The following STK39 variants were observed in gnomAD, a reference collection of about 807,000 sequenced individuals.
STK39 encodes serine/threonine kinase 39.
In STK39, 20 loss-of-function variants were observed where a neutral mutation model predicts 77.8. That is an observed-to-expected ratio of 0.26 (90% CI 0.18 to 0.37). STK39 has a LOEUF of 0.37. Ranked by LOEUF, STK39 falls within the 10% of genes least tolerant of loss-of-function variation. STK39 has a pLI of 1.00. For synonymous variants in STK39, 246 were observed against 234.1 expected (o/e 1.05, Z -0.47); for missense variants, 479 against 656.5 (o/e 0.73, Z 2.95).
chr2:168,228,471 T>C (rs1036722743), intron 1 of STK39, among the ~76,000 whole-genome samples: 1 of 152,202 alleles, frequency 6.6e-6, no homozygotes, highest in Non-Finnish European at 1.5e-5. Flanking sequence ...AATGACCTTA[T>C]ATTATTGTTT....
At chr2:168,226,498 TA>T (rs1459094797) in intron 1 of STK39, among the ~76,000 whole-genome samples, 1 of 152,220 alleles carries the variant, frequency 6.6e-6, no homozygotes, top group African/African-American at 2.4e-5. Flanking sequence ...AATCTTTCCA[TA>T]AATTTGCTCA....
intron 1 of STK39, among the ~76,000 whole-genome samples, chr2:168,230,261 T>C (rs1446458039): frequency 6.6e-6 from 1 of 152,182 alleles, no homozygotes; most frequent in Non-Finnish European, 1.5e-5. Context: ...GGCCTTGTGA[T>C]ATGCTTTAAC....
intron 1 of STK39, among the ~76,000 whole-genome samples, chr2:168,244,376 T>C (rs565329457): frequency 2.0e-5 from 3 of 152,370 alleles, no homozygotes; most frequent in East Asian, 3.9e-4. Flanking sequence ...AAGTCCTCCG[T>C]GCCCGTGCCA....
intron 16 of STK39, among the ~76,000 whole-genome samples, chr2:167,970,124 A>T (rs1406590381): frequency 6.6e-6 from 1 of 151,986 alleles, no homozygotes; most frequent in Non-Finnish European, 1.5e-5. Context: ...TTCTGCTCAA[A>T]TGTCCCTGGC....
At chr2:168,073,423 T>C (rs1347761519) in intron 12 of STK39, among the ~76,000 whole-genome samples, 5 of 152,176 alleles carry the variant, frequency 3.3e-5, no homozygotes, top group Admixed American at 6.5e-5. Flanking sequence ...ACTGACACTT[T>C]TAGTAAGAAA....
At chr2:168,121,357 G>A (rs754369567) in intron 10 of STK39, among the ~76,000 whole-genome samples, 67 of 152,216 alleles carry the variant, frequency 4.4e-4, no homozygotes, top group Non-Finnish European at 7.8e-4. Context: ...TCTGAAAGCT[G>A]TGAAAGAATA....
intron 2 of STK39, among the ~76,000 whole-genome samples, chr2:168,172,464 A>G (rs1688852859): frequency 6.6e-6 from 1 of 152,208 alleles, no homozygotes; most frequent in African/African-American, 2.4e-5. Context: ...CCACCTTGTC[A>G]TACTTCATGT....
intron 2 of STK39, among the ~76,000 whole-genome samples, chr2:168,168,714 G>A (rs1474539539): frequency 6.6e-6 from 1 of 152,152 alleles, no homozygotes; most frequent in Non-Finnish European, 1.5e-5. Flanking sequence ...CTTTTGGCTG[G>A]GGGCAGTGGC....
chr2:168,213,689 TAAAAAAA>T (rs10706908), intron 1 of STK39, among the ~76,000 whole-genome samples: 1 of 124,218 alleles, frequency 8.1e-6, no homozygotes, highest in African/African-American at 3.0e-5. Flanking sequence ...CAGCCATATT[TAAAAAAA>T]AAAAAAAAAA....
chr2:168,211,108 T>G (rs1287362765), intron 1 of STK39, among the ~76,000 whole-genome samples: 1 of 152,182 alleles, frequency 6.6e-6, no homozygotes, highest in Non-Finnish European at 1.5e-5. Context: ...AATCCAACTT[T>G]AAAATCTTGC....
intron 10 of STK39, among the ~76,000 whole-genome samples, chr2:168,084,886 A>G (rs374637137): frequency 2.0e-5 from 3 of 152,196 alleles, no homozygotes; most frequent in East Asian, 3.9e-4. Flanking sequence ...CCTTGTAGAC[A>G]CCTTCAAACG....
rs558749743 is a variant in STK39, at chr2:168,208,766, T to C, written c.209-26676A>G. ...GCAATGATGAGCACCTCTCCATCACTGAGGCGGGGAAGCCCCTGAGCAGTG... is the reference window on the plus strand; with the variant it reads ...GCAATGATGAGCACCTCTCCATCACCGAGGCGGGGAAGCCCCTGAGCAGTG... On this transcript the variant is annotated intron_variant, in intron 1 of 17. Transcript: ENST00000355999. Among the ~76,000 whole-genome samples the C allele has an allele frequency of 2.6e-5, 4 of 152,344 alleles. No homozygotes were observed. In the East Asian group the frequency reaches 7.7e-4, roughly 29 times the overall value.
intron 1 of STK39, among the ~76,000 whole-genome samples, chr2:168,184,470 T>C (rs993601674): frequency 2.6e-5 from 4 of 152,146 alleles, no homozygotes; most frequent in South Asian, 2.1e-4. Flanking sequence ...CCTTCAACTA[T>C]AGAAGAGACC....
At chr2:168,071,532 T>C (rs1212769005) in intron 12 of STK39, among the ~76,000 whole-genome samples, 1 of 152,144 alleles carries the variant, frequency 6.6e-6, no homozygotes, top group Non-Finnish European at 1.5e-5. Context: ...AGGTATAAGG[T>C]GCACTGTCAG....
At chr2:168,149,422 G>A (rs543523694) in intron 5 of STK39, among the ~76,000 whole-genome samples, 3 of 152,364 alleles carry the variant, frequency 2.0e-5, no homozygotes, top group Admixed American at 6.5e-5. Context: ...GAAGGAAAGA[G>A]TCCATGACCT....
intron 2 of STK39, among the ~76,000 whole-genome samples, chr2:168,175,523 G>A (rs1023199433): frequency 3.3e-5 from 5 of 152,200 alleles, no homozygotes; most frequent in African/African-American, 1.2e-4. Flanking sequence ...ATTAGTATCC[G>A]AATAAGCTAC....
chr2:168,219,636 G>A (rs1228138918), intron 1 of STK39, among the ~76,000 whole-genome samples: 1 of 152,112 alleles, frequency 6.6e-6, no homozygotes, highest in South Asian at 2.1e-4. Flanking sequence ...CAAGTGGTCT[G>A]GGGCAAGCAA....
At chr2:168,081,107 G>A (rs901749671) in intron 10 of STK39, among the ~76,000 whole-genome samples, 11 of 152,154 alleles carry the variant, frequency 7.2e-5, no homozygotes, top group Non-Finnish European at 1.3e-4. Context: ...CTCTATTGGG[G>A]CACTGCCTAG....
chr2:168,180,381 T>C (rs1037287687), intron 2 of STK39, among the ~76,000 whole-genome samples: 1 of 152,054 alleles, frequency 6.6e-6, no homozygotes, highest in Non-Finnish European at 1.5e-5. Context: ...CAACTATCAC[T>C]GGCAAATTCT....
Sources: gnomAD v4.1 joint callset for allele counts (sites outside exome capture counted in the v4.1 genomes callset) on GRCh38, gnomAD v4.1.1 for gene constraint, MANE v1.5 for transcripts, NCBI Gene and HGNC (gene_info 2026-07-23, HGNC 2026-07-21) for gene names.